The following OPCML variants were observed in gnomAD, a reference collection of about 807,000 sequenced individuals.
OPCML encodes opioid-binding protein/cell adhesion molecule.
Under a neutral mutation model 37.8 loss-of-function variants are expected in OPCML, and 13 were observed. The ratio of observed to expected loss-of-function variants is 0.34; its 90% CI spans 0.22 to 0.55. OPCML has a LOEUF of 0.55. OPCML is among the 20% of genes least tolerant of loss of function. The pLI is 0.91. For missense variants in OPCML, 341 were observed against 435.6 expected, an observed-to-expected ratio of 0.78 and a Z score of 1.93; for synonymous variants, 176 against 168.8, an observed-to-expected ratio of 1.04 and a Z score of -0.33.
intron 1 of OPCML, among the ~76,000 whole-genome samples, chr11:133,073,743 G>C (rs183635646): frequency 2.2e-4 from 33 of 152,266 alleles, no homozygotes; most frequent in African/African-American, 7.2e-4. Context: ...CTTCAACAAT[G>C]CTTTTGCCAA....
chr11:132,915,728 G>A (rs1286713392), intron 2 of OPCML, among the ~76,000 whole-genome samples: 2 of 152,244 alleles, frequency 1.3e-5, no homozygotes, highest in East Asian at 1.9e-4. Flanking sequence ...TAACTCATAA[G>A]GTTCAGCATT....
chr11:133,389,038 A>G (rs1356925825), intron 1 of OPCML, among the ~76,000 whole-genome samples: 1 of 152,186 alleles, frequency 6.6e-6, no homozygotes, highest in African/African-American at 2.4e-5. Context: ...GCAAGAATTG[A>G]GCCCTCAAGC....
intron 1 of OPCML, among the ~76,000 whole-genome samples, chr11:133,185,574 G>T (rs954408816): frequency 1.3e-5 from 2 of 152,166 alleles, no homozygotes; most frequent in Non-Finnish European, 2.9e-5. Context: ...TAATCTGGAA[G>T]GTTAAATCTA....
chr11:133,332,048 A>T (rs1943631458), intron 1 of OPCML, among the ~76,000 whole-genome samples: 1 of 152,174 alleles, frequency 6.6e-6, no homozygotes. Flanking sequence ...AACGATAATG[A>T]TTCTTCCTAT....
At chr11:132,662,373 G>T in intron 2 of OPCML, among the ~76,000 whole-genome samples, 1 of 134,528 alleles carries the variant, frequency 7.4e-6, no homozygotes, top group South Asian at 2.4e-4. Flanking sequence ...ACTTTTTTGT[G>T]TTCTTTACTT....
chr11:132,866,312 G>A (rs1213132882), intron 2 of OPCML, among the ~76,000 whole-genome samples: 1 of 152,194 alleles, frequency 6.6e-6, no homozygotes, highest in Non-Finnish European at 1.5e-5. Context: ...GCCACACCAA[G>A]GGGATGCTAT....
intron 2 of OPCML, among the ~76,000 whole-genome samples, chr11:132,909,626 G>A (rs1216165338): frequency 1.3e-5 from 2 of 152,210 alleles, no homozygotes; most frequent in Non-Finnish European, 2.9e-5. Context: ...CAACACAGGA[G>A]GAAATGCTTC....
chr11:132,841,950 C>G (rs893348928), intron 2 of OPCML, among the ~76,000 whole-genome samples: 3 of 150,314 alleles, frequency 2.0e-5, no homozygotes, highest in African/African-American at 7.4e-5. Context: ...TTAGTTAGAC[C>G]CAGGTCAATC....
In OPCML at chr11:133,393,892, G is replaced by A. The variant is rs1230644595; in HGVS notation, c.61+138372C>T. Among the ~76,000 whole-genome samples, 11 of 152,302 alleles carry A rather than the reference G, an allele frequency of 7.2e-5. No individual in the cohort carries two copies. In the East Asian group the frequency reaches 2.1e-3, roughly 29 times the overall value. On this transcript the variant is annotated intron_variant, in intron 1 of 7. Transcript: ENST00000524381. ...CTGGCTCAGGAGTCTTGAAGGACTT[G>A]GATCACCTGCTTAAGAAGCAATCCC... is the stretch of plus-strand genomic sequence containing the variant.
chr11:132,794,021 C>T (rs1938131427), intron 2 of OPCML, among the ~76,000 whole-genome samples: 1 of 152,228 alleles, frequency 6.6e-6, no homozygotes, highest in African/African-American at 2.4e-5. Context: ...CCACTCATGC[C>T]TCATCTTCTA....
intron 1 of OPCML, among the ~76,000 whole-genome samples, chr11:132,981,564 G>C (rs371783533): frequency 6.6e-6 from 1 of 152,192 alleles, no homozygotes; most frequent in African/African-American, 2.4e-5. Flanking sequence ...ATAAACATTA[G>C]CAGTTGACTA....
chr11:133,243,264 GT>G (rs1238746673), intron 1 of OPCML, among the ~76,000 whole-genome samples: 1 of 151,834 alleles, frequency 6.6e-6, no homozygotes, highest in Non-Finnish European at 1.5e-5. Context: ...GCCAAATGAA[GT>G]GCCTGGAGTG....
intron 3 of OPCML, among the ~76,000 whole-genome samples, chr11:132,611,445 C>G (rs1310108240): frequency 1.3e-5 from 2 of 152,190 alleles, no homozygotes; most frequent in African/African-American, 4.8e-5. Flanking sequence ...AGATTTCCCA[C>G]AGCTTTTTAT....
intron 1 of OPCML, among the ~76,000 whole-genome samples, chr11:133,493,103 G>A (rs987952330): frequency 2.6e-5 from 4 of 152,304 alleles, no homozygotes; most frequent in Non-Finnish European, 5.9e-5. Context: ...GCACCACCTG[G>A]GACCAGTGAT....
At chr11:132,755,440 C>T (rs968625724) in intron 2 of OPCML, among the ~76,000 whole-genome samples, 45 of 152,228 alleles carry the variant, frequency 3.0e-4, no homozygotes, top group African/African-American at 1.0e-3. Flanking sequence ...GTATTTTACA[C>T]CTGATTTATT....
At chr11:132,662,641 A>G (rs1047642501) in intron 2 of OPCML, among the ~76,000 whole-genome samples, 5 of 152,252 alleles carry the variant, frequency 3.3e-5, no homozygotes, top group Admixed American at 3.3e-4. Context: ...TGGAGAGTGT[A>G]TCATGGGAAC....
At chr11:132,912,612 A>T (rs1348330372) in intron 2 of OPCML, among the ~76,000 whole-genome samples, 1 of 152,228 alleles carries the variant, frequency 6.6e-6, no homozygotes, top group Non-Finnish European at 1.5e-5. Context: ...TCACCAAGAC[A>T]ACCCCTATGA....
At chr11:132,619,982 A>G (rs1939303888) in intron 3 of OPCML, among the ~76,000 whole-genome samples, 1 of 152,196 alleles carries the variant, frequency 6.6e-6, no homozygotes, top group African/African-American at 2.4e-5. Flanking sequence ...TGTCACCTTA[A>G]AAAACTCAGT....
intron 1 of OPCML, among the ~76,000 whole-genome samples, chr11:133,023,449 A>T (rs1947491417): frequency 6.6e-6 from 1 of 152,222 alleles, no homozygotes; most frequent in South Asian, 2.1e-4. Flanking sequence ...AAGAATGTAG[A>T]TGAACAAAGG....
Sources: gnomAD v4.1 joint callset for allele counts (sites outside exome capture counted in the v4.1 genomes callset) on GRCh38, gnomAD v4.1.1 for gene constraint, MANE v1.5 for transcripts, NCBI Gene and HGNC (gene_info 2026-07-23, HGNC 2026-07-21) for gene names.